Variants in PPAT observed in about 807,000 individuals in gnomAD.
PPAT encodes amidophosphoribosyltransferase.
Under a neutral mutation model 60.2 loss-of-function variants are expected in PPAT, and 20 were observed. That is an observed-to-expected ratio of 0.33 (90% CI 0.23 to 0.48). The LOEUF (loss-of-function observed/expected upper bound fraction) is 0.48, where lower values mean the gene tolerates loss of function less well. PPAT is among the 20% of genes least tolerant of loss of function. PPAT has a pLI of 0.99. For synonymous variants in PPAT, 194 were observed against 215.1 expected (o/e 0.90, Z 0.86); for missense variants, 349 against 629.6 (o/e 0.55, Z 4.77).
chr4:56,393,521 C>G lies in PPAT; in HGVS notation c.*1831G>C, dbSNP rs1327059264. ...ATATGAATTTAAAGCAGTTAAACAA[C>G]ATTTGAGATTAAATTGGTAAAAAAA... On this transcript the variant is annotated 3_prime_UTR_variant, in exon 11 of 11. Transcript: ENST00000264220. 1 of 128,146 alleles carries G rather than the reference C, an allele frequency of 7.8e-6. No individual in the cohort carries two copies. Among genetic ancestry groups the G allele is most frequent in the African/African-American group, 2.9e-5 (1 of 34,404 alleles). The allele number at this position is 128,146 out of a possible 1,614,324, so 7.9% of individuals were successfully genotyped here. A position where few individuals can be genotyped will look rare whatever the true frequency, so the allele number is the denominator to read the frequency against.
At chr4:56,434,233 A>G (rs759004229) in intron 1 of PPAT, among the ~76,000 whole-genome samples, 1 of 152,218 alleles carries the variant, frequency 6.6e-6, no homozygotes, top group African/African-American at 2.4e-5. Context: ...TGTGAAACTG[A>G]AATTGAAGTA....
chr4:56,433,168 A>C (rs1269893946), intron 1 of PPAT, among the ~76,000 whole-genome samples: 1 of 151,934 alleles, frequency 6.6e-6, no homozygotes, highest in Non-Finnish European at 1.5e-5. Flanking sequence ...AGCTCATGTA[A>C]AATTTTGAAT....
At chr4:56,424,100 G>A (rs1717175248) in intron 1 of PPAT, among the ~76,000 whole-genome samples, 1 of 152,192 alleles carries the variant, frequency 6.6e-6, no homozygotes, top group South Asian at 2.1e-4. Flanking sequence ...TTTGAAATTG[G>A]AGTTGCTATT....
intron 1 of PPAT, chr4:56,425,354 TTTCATTTTAATCCAATAGTACA>T (rs1395444120): frequency 3.7e-6 from 2 of 546,558 alleles, no homozygotes; most frequent in Non-Finnish European, 4.7e-6. Flanking sequence ...ACTGAGAACT[TTTCATTTTAATCCAATAGTACA>T]TCCAGATAGA....
intron 5 of PPAT, among the ~76,000 whole-genome samples, 184 bp downstream of exon 5, chr4:56,402,856 G>T (rs77790148): frequency 0.017 from 2,375 of 136,272 alleles, 41 homozygotes; most frequent in Middle Eastern, 0.048. Context: ...AAAGGGGGGG[G>T]ACTCATCCTC....
In PPAT at chr4:56,407,653, G is replaced by A; in HGVS notation, c.192C>T (p.His64=). The part of the protein sequence containing the change: ...DGSSVPTFKS[H]KGMGLVNHVF... ...ATTTCTTAAAGTTCAAATTTACCTT[G>A]TGTGATTTGAATGTTGGCACCGAAC... is the stretch of plus-strand genomic sequence containing the variant. Residue 64 remains histidine (H), a synonymous_variant, in exon 2 of 11, where the codon CAC becomes CAT. Coordinates refer to ENST00000264220, the MANE Select transcript of PPAT (RefSeq NM_002703.5). 6.3e-7 allele frequency: 1 copy of A among 1,596,838 alleles called. No homozygotes were observed. Among genetic ancestry groups the A allele is most frequent in the Non-Finnish European group, 8.6e-7 (1 of 1,164,096 alleles).
At chr4:56,405,783 T>G (rs1716227356) in intron 3 of PPAT, among the ~76,000 whole-genome samples, 1 of 152,362 alleles carries the variant, frequency 6.6e-6, no homozygotes, top group African/African-American at 2.4e-5. Context: ...ATATCCTTTA[T>G]AATAAACTGG....
Position 56,396,592 on chromosome 4 carries a change from A to G in PPAT, c.1357+27T>C. ...CTTTGGATTTTCTCTGTTAATAATC[A>G]AAGTTTATAGAAATTTTAATACTTA... On this transcript the variant is annotated intron_variant, in intron 10 of 10. Coordinates refer to ENST00000264220, the MANE Select transcript of PPAT (RefSeq NM_002703.5). This position sits in a 1 kb window ranked among gnomAD's most constrained non-coding sequence, Gnocchi z 4.6. 1 of 1,578,842 alleles carries G rather than the reference A, an allele frequency of 6.3e-7. No homozygotes were observed. The highest frequency in any genetic ancestry group is 8.7e-7 in the Non-Finnish European group (1 of 1,154,436).
At chr4:56,422,464 TG>T (rs1275158960) in intron 1 of PPAT, 3 of 99,860 alleles carry the variant, frequency 3.0e-5, no homozygotes, top group East Asian at 3.1e-4. Flanking sequence ...AATAATATTC[TG>T]GTTTTTTTTT....
intron 10 of PPAT, among the ~76,000 whole-genome samples, chr4:56,395,806 C>T (rs1470788417): frequency 1.3e-5 from 2 of 151,754 alleles, no homozygotes; most frequent in African/African-American, 4.8e-5. Context: ...AATTAGAGGG[C>T]TTTGGGAGTA....
chr4:56,404,089 G>A (rs78254842), intron 3 of PPAT: 5,049 of 414,030 alleles, frequency 0.012, 244 homozygotes, highest in African/African-American at 0.092. Context: ...TACTAATAAC[G>A]GATGACCATG....
In PPAT at chr4:56,401,597, TC is replaced by T. The variant is rs1716113921; in HGVS notation, c.735-117del. ...TCCCTTAGAGAAACAATTGATTCAT[TC>T]AATATAAAATCTAGAAGTGACTTTT... On this transcript the variant is annotated intron_variant, in intron 6 of 10. Transcript: ENST00000264220. 6.3e-6 allele frequency: 6 copies of T among 949,726 alleles called. No homozygotes were observed. The East Asian group carries it at 1.6e-4, about 26-fold the overall frequency. The allele number at this position is 949,726 out of a possible 1,614,324, so 58.8% of individuals were successfully genotyped here.
chr4:56,410,786 G>A (rs1716412740), intron 1 of PPAT: 2 of 985,638 alleles, frequency 2.0e-6, no homozygotes, highest in Admixed American at 1.3e-4. Flanking sequence ...GTTCTTCCAT[G>A]ATTTGGATGT....
intron 1 of PPAT, among the ~76,000 whole-genome samples, chr4:56,415,243 A>G (rs1716667017): frequency 6.6e-6 from 1 of 152,208 alleles, no homozygotes; most frequent in South Asian, 2.1e-4. Flanking sequence ...CAATGAAATG[A>G]TTAATGAGAT....
At chr4:56,412,682 T>C (rs1450592922) in intron 1 of PPAT, among the ~76,000 whole-genome samples, 1 of 152,220 alleles carries the variant, frequency 6.6e-6, no homozygotes, top group Non-Finnish European at 1.5e-5. Flanking sequence ...CCTTGATTTT[T>C]GGTCAGTCAC....
At chr4:56,435,281 C>T in intron 1 of PPAT, 69 bp downstream of exon 1, 2 of 1,599,036 alleles carry the variant, frequency 1.3e-6, no homozygotes, top group Non-Finnish European at 1.7e-6. Context: ...CTCATGAGAA[C>T]GCCGACTGCG....
chr4:56,412,471 G>A (rs1716509798), intron 1 of PPAT, among the ~76,000 whole-genome samples: 1 of 152,078 alleles, frequency 6.6e-6, no homozygotes, highest in Non-Finnish European at 1.5e-5. Flanking sequence ...CACCATGCCT[G>A]GCTAATTTTT....
chr4:56,433,482 C>T (rs1350500569), intron 1 of PPAT, among the ~76,000 whole-genome samples: 2 of 146,312 alleles, frequency 1.4e-5, no homozygotes, highest in African/African-American at 5.1e-5. Flanking sequence ...CCAACCAGTG[C>T]TAACATGTAA....
intron 1 of PPAT, among the ~76,000 whole-genome samples, chr4:56,417,458 T>C (rs369170366): frequency 1.9e-4 from 29 of 152,110 alleles, no homozygotes; most frequent in African/African-American, 6.5e-4. Context: ...CTAAACTCAA[T>C]TATTACTGAA....
Sources: gnomAD v4.1 joint callset for allele counts (sites outside exome capture counted in the v4.1 genomes callset) on GRCh38, gnomAD v4.1.1 for gene constraint, Gnocchi (gnomAD v3.1) non-coding constraint, MANE v1.5 for transcripts, NCBI Gene and HGNC (gene_info 2026-07-23, HGNC 2026-07-21) for gene names.